The following RAPGEF2 variants were observed in gnomAD, a reference collection of about 807,000 sequenced individuals.
RAPGEF2 encodes the protein PDZ domain containing guanine nucleotide exchange factor (GEF) 1.
RAPGEF2 carries 54 observed loss-of-function variants against 186.7 expected under a neutral mutation model. The observed-to-expected ratio is 0.29, with a 90% CI of 0.23 to 0.36. RAPGEF2 has a LOEUF of 0.36. Ranked by LOEUF, RAPGEF2 falls within the 10% of genes least tolerant of loss-of-function variation. The pLI is 1.00. For missense variants in RAPGEF2, 1,532 were observed against 2,045.0 expected, an observed-to-expected ratio of 0.75 and a Z score of 4.84; for synonymous variants, 712 against 705.9, an observed-to-expected ratio of 1.01 and a Z score of -0.14.
chr4:159,351,542 C>T (rs2111326100), intron 26 of RAPGEF2, among the ~76,000 whole-genome samples: 1 of 152,166 alleles, frequency 6.6e-6, no homozygotes, highest in South Asian at 2.1e-4. Flanking sequence ...AAGAAATTTG[C>T]ATTGCATATA....
chr4:159,234,395 T>C (rs2111449067), intron 4 of RAPGEF2, among the ~76,000 whole-genome samples: 1 of 152,266 alleles, frequency 6.6e-6, no homozygotes, highest in Middle Eastern at 3.4e-3. Context: ...AATATTATTA[T>C]TTTTTGAGAC....
In RAPGEF2 at chr4:159,355,846, A is replaced by T; in HGVS notation, c.4652-7A>T. 6.5e-7 allele frequency: 1 copy of T among 1,541,744 alleles called. No individual in the cohort carries two copies. The stretch of plus-strand genomic sequence containing the variant: ...TTTTTAATGCTGGTGCATTGTTTCT[A>T]CTCTAGCACGAAAGGAGGGCAGGTA... On this transcript the variant is annotated splice_polypyrimidine_tract_variant and splice_region_variant and intron_variant, in intron 28 of 29. Coordinates refer to ENST00000691494, the MANE Select transcript of RAPGEF2 (RefSeq NM_001394067.2).
At chr4:159,207,527 T>A (rs1750110021) in intron 3 of RAPGEF2, among the ~76,000 whole-genome samples, 1 of 152,274 alleles carries the variant, frequency 6.6e-6, no homozygotes, top group Non-Finnish European at 1.5e-5. Flanking sequence ...TGGTGCCATT[T>A]ATTGTACTTT....
intron 1 of RAPGEF2, among the ~76,000 whole-genome samples, chr4:159,158,003 G>T (rs1015046529): frequency 5.9e-5 from 9 of 152,108 alleles, no homozygotes; most frequent in Admixed American, 5.9e-4. Flanking sequence ...CTAGCAGATG[G>T]TGCCTGGGGG....
At position 159,103,457 on chromosome 4, in the gene RAPGEF2, G is replaced by A; in HGVS notation, c.-706G>A. On this transcript the variant is annotated 5_prime_UTR_variant, in exon 1 of 30. Coordinates refer to ENST00000691494, the MANE Select transcript of RAPGEF2 (RefSeq NM_001394067.2). ...CAGAGGCGGCGGCGGCGGCGGCTGG[G>A]CGGCCCGAGGGGATGCAGCAGCAGT... 1 of 159,256 alleles carries A rather than the reference G, an allele frequency of 6.3e-6. No individual in the cohort carries two copies. 9.9% of individuals were successfully genotyped at this position (159,256 alleles called of 1,614,324 possible).
At position 159,204,828 on chromosome 4, in the gene RAPGEF2, C is replaced by T. The variant is rs1749803244; in HGVS notation, c.198-5672C>T. On this transcript the variant is annotated intron_variant, in intron 3 of 29. Coordinates refer to ENST00000691494, the MANE Select transcript of RAPGEF2 (RefSeq NM_001394067.2). ...ATTTGGTCTTCTGTAAGCGTGAATT[C>T]CCCTGATTAGAGAGACTCGCAAGTA... Among the ~76,000 whole-genome samples, 4 of 152,114 alleles carry T rather than the reference C, an allele frequency of 2.6e-5. 1 individual carries two copies. Among genetic ancestry groups the T allele is most frequent in the Admixed American group, 2.6e-4 (4 of 15,272 alleles).
intron 12 of RAPGEF2, 119 bp downstream of exon 12, chr4:159,330,129 A>C: frequency 9.2e-7 from 1 of 1,089,652 alleles, no homozygotes; most frequent in Non-Finnish European, 1.3e-6. Context: ...CAGTTGTGAA[A>C]AATCTTTATG....
chr4:159,296,312 A>G (rs561657483), intron 7 of RAPGEF2, among the ~76,000 whole-genome samples: 1 of 152,346 alleles, frequency 6.6e-6, no homozygotes, highest in African/African-American at 2.4e-5. Context: ...AAAGTCATTG[A>G]TGTTGGAGAT....
At chr4:159,181,222 A>C (rs1746975559) in intron 1 of RAPGEF2, among the ~76,000 whole-genome samples, 1 of 152,172 alleles carries the variant, frequency 6.6e-6, no homozygotes, top group South Asian at 2.1e-4. Context: ...TGATTATTTC[A>C]AGGCCTTTTG....
At position 159,104,112 on chromosome 4, in the gene RAPGEF2, G is replaced by A; in HGVS notation, c.-51G>A. 1 of 1,297,770 alleles carries A rather than the reference G, an allele frequency of 7.7e-7. No homozygotes were observed. The highest frequency in any genetic ancestry group is 1.0e-6 in the Non-Finnish European group (1 of 969,168). The allele number at this position is 1,297,770 out of a possible 1,614,324, so 80.4% of individuals were successfully genotyped here. Reference sequence around the variant, plus strand: ...GGAGGCAGCAGCGGCGCTGGGCCGGGAGGAGGCCGGCCAGGGTGCGGAGCG... The same window carrying A: ...GGAGGCAGCAGCGGCGCTGGGCCGGAAGGAGGCCGGCCAGGGTGCGGAGCG... On this transcript the variant is annotated 5_prime_UTR_variant, in exon 1 of 30. Coordinates refer to ENST00000691494, the MANE Select transcript of RAPGEF2 (RefSeq NM_001394067.2).
intron 8 of RAPGEF2, among the ~76,000 whole-genome samples, chr4:159,310,849 C>G (rs185416690): frequency 6.6e-6 from 1 of 152,054 alleles, no homozygotes; most frequent in Non-Finnish European, 1.5e-5. Flanking sequence ...TAAAGACATG[C>G]GTGAGTCTTA....
chr4:159,269,007 C>G (rs1757774324), intron 7 of RAPGEF2, among the ~76,000 whole-genome samples: 1 of 152,134 alleles, frequency 6.6e-6, no homozygotes, highest in South Asian at 2.1e-4. Flanking sequence ...GTATAGTAGT[C>G]TAGGTATTTT....
rs147172320 is a variant in RAPGEF2 at position 159,296,747 on chromosome 4, G to A, written c.544-7595G>A. Among the ~76,000 whole-genome samples, 451 of 152,250 alleles carry A rather than the reference G, an allele frequency of 3.0e-3. 2 individuals are homozygous for A. Among genetic ancestry groups the A allele is most frequent in the African/African-American group, 9.7e-3 (404 of 41,550 alleles). ...TAATTTTGTTATCTTTGGAAAAATG[G>A]GGCAAAGCCTCACATTTTGAAATAC... On this transcript the variant is annotated intron_variant, in intron 7 of 29. Transcript: ENST00000691494.
chr4:159,357,309 CA>C, intron 29 of RAPGEF2, among the ~76,000 whole-genome samples: 1 of 152,284 alleles, frequency 6.6e-6, no homozygotes, highest in East Asian at 1.9e-4. Context: ...TGTGGTGACC[CA>C]TGATTGTGCC....
chr4:159,283,760 C>T (rs567548759), intron 7 of RAPGEF2, among the ~76,000 whole-genome samples: 31 of 152,096 alleles, frequency 2.0e-4, no homozygotes, highest in Non-Finnish European at 3.5e-4. Flanking sequence ...AAAGCCAGGA[C>T]ATTTTTTTAA....
rs552843959 is a variant in RAPGEF2, at chr4:159,289,958, A to G, written c.544-14384A>G. Reference sequence around the variant, plus strand: ...AAGTGAGTGTGAGAAGATCAAAAGGAGAAGACAGTGGGGTGCAGTGGTTAG... The same window carrying G: ...AAGTGAGTGTGAGAAGATCAAAAGGGGAAGACAGTGGGGTGCAGTGGTTAG... On this transcript the variant is annotated intron_variant, in intron 7 of 29. Coordinates refer to ENST00000691494, the MANE Select transcript of RAPGEF2 (RefSeq NM_001394067.2). 9.9e-5 allele frequency among the ~76,000 whole-genome samples: 15 copies of G among 152,222 alleles called. No individual in the cohort carries two copies. The East Asian group carries it at 2.5e-3, about 25-fold the overall frequency.
At chr4:159,239,914 T>C (rs765894327) in intron 5 of RAPGEF2, among the ~76,000 whole-genome samples, 7 of 152,218 alleles carry the variant, frequency 4.6e-5, no homozygotes, top group Non-Finnish European at 5.9e-5. Context: ...CCCTATGATG[T>C]AGGAGAGGAA....
intron 7 of RAPGEF2, among the ~76,000 whole-genome samples, chr4:159,256,055 C>G (rs1253644130): frequency 1.3e-5 from 2 of 152,134 alleles, no homozygotes; most frequent in African/African-American, 4.8e-5. Flanking sequence ...AAATTCATCT[C>G]TGATCTCTTT....
chr4:159,287,789 A>G (rs1034051220), intron 7 of RAPGEF2, among the ~76,000 whole-genome samples: 1 of 152,192 alleles, frequency 6.6e-6, no homozygotes, highest in Non-Finnish European at 1.5e-5. Context: ...TCTGTGATAT[A>G]AAAGCAAAAT....
Sources: allele counts gnomAD v4.1 joint callset (sites outside exome capture counted in the v4.1 genomes callset), GRCh38; gene constraint gnomAD v4.1.1; transcripts MANE v1.5; gene names NCBI Gene and HGNC (gene_info 2026-07-23, HGNC 2026-07-21).